The following RAF1 variants were observed in gnomAD, a reference collection of about 807,000 sequenced individuals.
RAF1 encodes RAF proto-oncogene serine/threonine-protein kinase.
A neutral mutation model predicts 81.1 loss-of-function variants in RAF1; 27 were observed. The ratio of observed to expected loss-of-function variants is 0.33; its 90% CI spans 0.25 to 0.46. The LOEUF is 0.46. Among genes scored for constraint, RAF1 ranks in the 20% least tolerant of loss-of-function variants. The pLI is 1.00. For synonymous variants in RAF1, 298 were observed against 294.0 expected, an observed-to-expected ratio of 1.01 and a Z score of -0.14; for missense variants, 598 against 826.0, an observed-to-expected ratio of 0.72 and a Z score of 3.38.
intron 8 of RAF1, 54 bp from the exon 8 acceptor site, chr3:12,600,469 G>T: frequency 6.3e-7 from 1 of 1,597,040 alleles, no homozygotes; most frequent in Non-Finnish European, 8.6e-7. Context: ...ATTTTCTCTG[G>T]GGGAGGGAAA....
At chr3:12,641,201 C>T (rs1328812705) in intron 1 of RAF1, among the ~76,000 whole-genome samples, 37 of 75,868 alleles carry the variant, frequency 4.9e-4, no homozygotes, top group Admixed American at 6.4e-4. Context: ...CATCACACAC[C>T]GGGGCCTGTC....
chr3:12,651,067 T>C (rs1398688752), intron 1 of RAF1, among the ~76,000 whole-genome samples: 3 of 152,224 alleles, frequency 2.0e-5, no homozygotes, highest in Admixed American at 1.3e-4. Context: ...CTTTGTTTCC[T>C]TTTATTTTAA....
chr3:12,596,756 A>C (rs937226342), intron 11 of RAF1, among the ~76,000 whole-genome samples: 3 of 152,178 alleles, frequency 2.0e-5, no homozygotes, highest in African/African-American at 7.2e-5. Flanking sequence ...GTATTGCACA[A>C]AACAATCTAG....
rs2125322395 is a variant in RAF1, at chr3:12,585,189, T to A, written c.1661A>T (p.Tyr554Phe). 6.2e-7 allele frequency: 1 copy of A among 1,614,114 alleles called. No homozygotes were observed. The highest frequency in any genetic ancestry group is 8.5e-7 in the Non-Finnish European group (1 of 1,180,020). The change falls in exon 16 of 18, where the codon TAT becomes TTT. Residue 554 changes from tyrosine to phenylalanine, a missense_variant. Transcript: ENST00000442415. ...CATCAGTTCATACAATACGATGCCA[T>A]AGGAGTAGACATCCGACTGGAAACT...
intron 1 of RAF1, among the ~76,000 whole-genome samples, chr3:12,663,025 C>T (rs1575699761): frequency 6.6e-6 from 1 of 152,102 alleles, no homozygotes; most frequent in African/African-American, 2.4e-5. Flanking sequence ...TCCTTCTTCC[C>T]ACCACAGAAT....
chr3:12,612,830 A>G (rs1177774760), intron 2 of RAF1, among the ~76,000 whole-genome samples: 1 of 152,210 alleles, frequency 6.6e-6, no homozygotes, highest in South Asian at 2.1e-4. Flanking sequence ...GTATACACAT[A>G]TATGTTCACT....
chr3:12,655,258 G>A (rs543745427), intron 1 of RAF1, among the ~76,000 whole-genome samples: 1 of 151,970 alleles, frequency 6.6e-6, no homozygotes, highest in Middle Eastern at 3.4e-3. Flanking sequence ...AATTTTTTTT[G>A]TACTTTTAGT....
intron 1 of RAF1, among the ~76,000 whole-genome samples, chr3:12,631,586 G>A (rs139211018): frequency 1.0e-3 from 153 of 152,308 alleles, no homozygotes; most frequent in African/African-American, 3.3e-3. Context: ...GCGACACAGT[G>A]AGACTCCATC....
At chr3:12,608,487 A>G in intron 5 of RAF1, 1 of 464,166 alleles carries the variant, frequency 2.2e-6, no homozygotes, top group Non-Finnish European at 3.9e-6. Flanking sequence ...TCTTGTTTTC[A>G]TATCCTTTTG....
intron 1 of RAF1, among the ~76,000 whole-genome samples, chr3:12,645,097 C>CAAAAAAAAAAAAAAAAAAA (rs11401342): frequency 1.5e-5 from 1 of 65,060 alleles, no homozygotes; most frequent in Non-Finnish European, 3.3e-5. Context: ...GACTCAGTCT[C>CAAAAAAAAAAAAAAAAAAA]AAAAAAAAAA....
chr3:12,631,142 C>CA (rs955952681), intron 1 of RAF1, among the ~76,000 whole-genome samples: 1 of 152,098 alleles, frequency 6.6e-6, no homozygotes, highest in Non-Finnish European at 1.5e-5. Flanking sequence ...TGGCAAAACT[C>CA]AGTCTCTACA....
At chr3:12,631,078 G>C (rs1559464045) in intron 1 of RAF1, among the ~76,000 whole-genome samples, 1 of 152,170 alleles carries the variant, frequency 6.6e-6, no homozygotes. Context: ...CCAGCACTTT[G>C]AGAGGTCAAG....
At chr3:12,626,026 G>A (rs2059691456) in intron 1 of RAF1, among the ~76,000 whole-genome samples, 1 of 151,524 alleles carries the variant, frequency 6.6e-6, no homozygotes, top group African/African-American at 2.4e-5. Flanking sequence ...AGCACTTTGG[G>A]AGGCTGAGAC....
intron 1 of RAF1, among the ~76,000 whole-genome samples, chr3:12,642,221 C>G (rs1459053046): frequency 6.7e-6 from 1 of 150,280 alleles, no homozygotes; most frequent in Non-Finnish European, 1.5e-5. Flanking sequence ...GAGGCTGAAG[C>G]GGGTGGATCA....
At chr3:12,639,448 G>C (rs912141270) in intron 1 of RAF1, among the ~76,000 whole-genome samples, 1 of 152,162 alleles carries the variant, frequency 6.6e-6, no homozygotes, top group Non-Finnish European at 1.5e-5. Flanking sequence ...GTTTGCAGAT[G>C]ACATGATTGT....
At chr3:12,620,398 C>T (rs1021093882) in intron 1 of RAF1, among the ~76,000 whole-genome samples, 4 of 152,180 alleles carry the variant, frequency 2.6e-5, no homozygotes, top group Admixed American at 2.0e-4. Flanking sequence ...TCCCAAATCA[C>T]GCCTGGGATT....
chr3:12,600,640 A>C lies in RAF1; in HGVS notation c.895-225T>G, dbSNP rs5746217. On this transcript the variant is annotated intron_variant, in intron 8 of 17. Transcript: ENST00000442415. Reference sequence around the variant, plus strand: ...TTTTCATTAAATATTAGAAGGATTTAATATTCCACCTCCCAGGTTCAAGCA... The same window carrying C: ...TTTTCATTAAATATTAGAAGGATTTCATATTCCACCTCCCAGGTTCAAGCA... 5.8e-3 allele frequency among the ~76,000 whole-genome samples: 885 copies of C among 152,362 alleles called. 5 individuals carry two copies. Among genetic ancestry groups the C allele is most frequent in the Non-Finnish European group, 9.9e-3 (672 of 68,032 alleles).
intron 1 of RAF1, among the ~76,000 whole-genome samples, chr3:12,651,520 G>C (rs1343073667): frequency 6.6e-6 from 1 of 151,966 alleles, no homozygotes; most frequent in Non-Finnish European, 1.5e-5. Flanking sequence ...CATAGTCCCA[G>C]CTACTCGGGA....
Position 12,654,703 on chromosome 3 carries a change from T to C in RAF1, c.-27+9110A>G, listed in dbSNP as rs147035273. Among the ~76,000 whole-genome samples the C allele has an allele frequency of 3.4e-3, 276 of 81,196 alleles. 7 individuals are homozygous for C. The highest frequency in any genetic ancestry group is 9.1e-3 in the African/African-American group (244 of 26,746). The allele number at this position is 81,196 out of a possible 152,430, so 53.3% of individuals were successfully genotyped here. On this transcript the variant is annotated intron_variant, in intron 1 of 17. Coordinates refer to ENST00000442415, the MANE Select transcript of RAF1 (RefSeq NM_001354689.3). Reference sequence around the variant, plus strand: ...TTTTTTTTTTGCTTATTTTTCTTCTTACACCTCACAAGGATGAAAGAAAGT... The same window carrying C: ...TTTTTTTTTTGCTTATTTTTCTTCTCACACCTCACAAGGATGAAAGAAAGT...
Sources: gnomAD v4.1 joint callset for allele counts (sites outside exome capture counted in the v4.1 genomes callset) on GRCh38, gnomAD v4.1.1 for gene constraint, MANE v1.5 for transcripts, NCBI Gene and HGNC (gene_info 2026-07-23, HGNC 2026-07-21) for gene names.